ATP5F1E: variants seen among roughly 807,000 people sequenced by gnomAD.
The protein encoded by ATP5F1E is ATP synthase F1 subunit epsilon.
In ATP5F1E, 5 loss-of-function variants were observed where a neutral mutation model predicts 7.0. The ratio of observed to expected loss-of-function variants is 0.71; its 90% CI spans 0.37 to 1.49. The LOEUF is 1.49. ATP5F1E is among the 40% of genes most tolerant of loss of function. The pLI is 0.03. For missense variants in ATP5F1E, 59 were observed against 57.1 expected (o/e 1.03, Z -0.11); for synonymous variants, 20 against 20.1 (o/e 0.99, Z 0.02).
rs2091991705 is a variant in ATP5F1E at position 59,025,886 on chromosome 20, A to C, written c.*2959T>G. ...TCTGCTCACATTATAACAGGACCAA[A>C]TACACAAGAGCGTAATCAAATCATC... On this transcript the variant is annotated 3_prime_UTR_variant, in exon 3 of 3. Coordinates refer to ENST00000243997, the MANE Select transcript of ATP5F1E (RefSeq NM_006886.4). The C allele has an allele frequency of 6.6e-6, 1 of 152,254 alleles. No individual in the cohort carries two copies. The highest frequency in any genetic ancestry group is 1.5e-5 in the Non-Finnish European group (1 of 68,044). The allele number at this position is 152,254 out of a possible 1,614,324, so 9.4% of individuals were successfully genotyped here. A position where few individuals can be genotyped will look rare whatever the true frequency, so the allele number is the denominator to read the frequency against.
chr20:59,025,530 TA>T lies in ATP5F1E; in HGVS notation c.*3314del, dbSNP rs1455425662. The T allele has an allele frequency of 6.6e-6, 1 of 152,310 alleles. No homozygotes were observed. The highest frequency in any genetic ancestry group is 1.5e-5 in the Non-Finnish European group (1 of 68,086). The allele number at this position is 152,310 out of a possible 1,614,324, so 9.4% of individuals were successfully genotyped here. A position where few individuals can be genotyped will look rare whatever the true frequency, so the allele number is the denominator to read the frequency against. ...CTAGCCTTTAACATATATGTTTATA[TA>T]GTTTAAATTTCTTACTACTGTTAGA... On this transcript the variant is annotated 3_prime_UTR_variant, in exon 3 of 3. Coordinates refer to ENST00000243997, the MANE Select transcript of ATP5F1E (RefSeq NM_006886.4).
intron 1 of ATP5F1E, 72 bp downstream of exon 1, chr20:59,032,148 G>C: frequency 6.5e-7 from 1 of 1,545,626 alleles, no homozygotes. Flanking sequence ...TCTGTGTCCT[G>C]CATGACCTCT....
rs769265134 is a variant in ATP5F1E, at chr20:59,026,849, G to A, written c.*1996C>T. The A allele has an allele frequency of 2.6e-5, 4 of 152,202 alleles. No individual in the cohort carries two copies. Among genetic ancestry groups the A allele is most frequent in the African/African-American group, 7.2e-5 (3 of 41,452 alleles). The allele number at this position is 152,202 out of a possible 1,614,324, so 9.4% of individuals were successfully genotyped here. On this transcript the variant is annotated 3_prime_UTR_variant, in exon 3 of 3. Coordinates refer to ENST00000243997, the MANE Select transcript of ATP5F1E (RefSeq NM_006886.4). ...GGTCTCTCAGAGCAGCAGCATCACC[G>A]AAATTTAGAGCTTATCCGATTCCTT...
chr20:59,029,902 A>T (rs2092015116), intron 2 of ATP5F1E: 1 of 259,044 alleles, frequency 3.9e-6, no homozygotes, highest in South Asian at 4.2e-5. Context: ...TGTGGGGGAA[A>T]TAAAAATGTA....
chr20:59,028,134 G>A lies in ATP5F1E; in HGVS notation c.*711C>T, dbSNP rs956962455. On this transcript the variant is annotated 3_prime_UTR_variant, in exon 3 of 3. Transcript: ENST00000243997. ...CCACGAAACTGCTGTTGTGGTCACC[G>A]TGTCCCAGACTTGCAGTCAAAACTC... The A allele has an allele frequency of 1.3e-5, 2 of 152,176 alleles. No individual in the cohort carries two copies. The highest frequency in any genetic ancestry group is 2.9e-5 in the Non-Finnish European group (2 of 68,036). 9.4% of individuals were successfully genotyped at this position (152,176 alleles called of 1,614,324 possible).
Position 59,032,312 on chromosome 20 carries a change from GC to G in ATP5F1E, c.-62del. 1 of 1,569,524 alleles carries G rather than the reference GC, an allele frequency of 6.4e-7. No homozygotes were observed. The highest frequency in any genetic ancestry group is 1.2e-5 in the South Asian group (1 of 85,928). On this transcript the variant is annotated 5_prime_UTR_variant, in exon 1 of 3. Transcript: ENST00000243997. ...CCAAGACGCCGGCAATGTCGGCTCA[GC>G]CGGGCGGTTCAGCCGCAGGAAGATC...
intron 1 of ATP5F1E, among the ~76,000 whole-genome samples, chr20:59,031,734 G>T (rs1477751022): frequency 6.6e-6 from 1 of 152,048 alleles, no homozygotes; most frequent in Non-Finnish European, 1.5e-5. Context: ...AAATCAACAG[G>T]ACTTAAAAGT....
rs114060736 is a variant in ATP5F1E, at chr20:59,031,650, G to A, written c.32+570C>T. ...GTGGGTTCCATATTTGAGCTTTCCAGGAGCCACCTCTCATCTTTGTGAGGG... is the reference window on the plus strand; with the variant it reads ...GTGGGTTCCATATTTGAGCTTTCCAAGAGCCACCTCTCATCTTTGTGAGGG... On this transcript the variant is annotated intron_variant, in intron 1 of 2. Coordinates refer to ENST00000243997, the MANE Select transcript of ATP5F1E (RefSeq NM_006886.4). Among the ~76,000 whole-genome samples the A allele has an allele frequency of 7.8e-3, 1,182 of 152,272 alleles. 20 individuals are homozygous for A. Among genetic ancestry groups the A allele is most frequent in the African/African-American group, 0.027 (1,128 of 41,540 alleles).
intron 1 of ATP5F1E, 110 bp from the exon 2 acceptor site, chr20:59,030,539 C>T (rs555767814): frequency 1.4e-6 from 2 of 1,381,344 alleles, no homozygotes; most frequent in South Asian, 2.4e-5. Flanking sequence ...TTTGGTTGTA[C>T]CTTATTGTAG....
chr20:59,028,058 G>C lies in ATP5F1E; in HGVS notation c.*787C>G, dbSNP rs1263480759. The C allele has an allele frequency of 6.6e-6, 1 of 152,176 alleles. No individual in the cohort carries two copies. Among genetic ancestry groups the C allele is most frequent in the Non-Finnish European group, 1.5e-5 (1 of 68,024 alleles). 9.4% of individuals were successfully genotyped at this position (152,176 alleles called of 1,614,324 possible). A position where few individuals can be genotyped will look rare whatever the true frequency, so the allele number is the denominator to read the frequency against. ...TCAAAGAAAGATAAAAACATAACTT[G>C]CAACAATTTTTCATCCCTAAATAAT... On this transcript the variant is annotated 3_prime_UTR_variant, in exon 3 of 3. Transcript: ENST00000243997.
chr20:59,029,541 C>G (rs2092012586), intron 2 of ATP5F1E: 1 of 152,154 alleles, frequency 6.6e-6, no homozygotes, highest in Non-Finnish European at 1.5e-5. Context: ...AAAAGCAAAA[C>G]AAGAAAAATT....
chr20:59,029,426 T>TG (rs1332282850), intron 2 of ATP5F1E: 1 of 152,204 alleles, frequency 6.6e-6, no homozygotes, highest in Non-Finnish European at 1.5e-5. Context: ...AAATGAAAAG[T>TG]GCTTAGGGGA....
intron 2 of ATP5F1E, chr20:59,029,962 A>T: frequency 3.0e-6 from 1 of 332,712 alleles, no homozygotes; most frequent in East Asian, 8.0e-5. Flanking sequence ...CTCCAATTGC[A>T]ATTATACAAG....
In ATP5F1E at chr20:59,032,228, A is replaced by G. The variant is rs773400785; in HGVS notation, c.24T>C (p.Ala8=). MVAYWRQ[A]GLSYIRYSQI... is the part of the protein sequence containing the mutation. ...TGGAGGCCTGGGCCTACCTGAGTCC[A>G]GCCTGTCTCCAGTAGGCCACCATGC... Residue 8 remains alanine (A), a synonymous_variant, in exon 1 of 3, where the codon GCT becomes GCC. Coordinates refer to ENST00000243997, the MANE Select transcript of ATP5F1E (RefSeq NM_006886.4). The G allele has an allele frequency of 3.8e-6, 6 of 1,593,394 alleles. No homozygotes were observed. The highest frequency in any genetic ancestry group is 4.3e-6 in the Non-Finnish European group (5 of 1,171,142).
chr20:59,030,140 G>T (rs2092016633), intron 2 of ATP5F1E, 163 bp downstream of exon 2: 1 of 812,496 alleles, frequency 1.2e-6, no homozygotes, highest in Non-Finnish European at 1.8e-6. Context: ...TAGGCCAGGG[G>T]ACTTCTATAA....
chr20:59,030,132 G>C lies in ATP5F1E; in HGVS notation c.*3+171C>G, dbSNP rs79207563. ...GCCCAAGAAGACTTTCTTTTTATTA[G>C]GCCAGGGGACTTCTATAACCTGCAT... is the stretch of plus-strand genomic sequence containing the variant. On this transcript the variant is annotated intron_variant, in intron 2 of 2. Coordinates refer to ENST00000243997, the MANE Select transcript of ATP5F1E (RefSeq NM_006886.4). 1.1e-3 allele frequency: 835 copies of C among 740,040 alleles called. 2 individuals carry two copies. The highest frequency in any genetic ancestry group is 1.6e-3 in the Non-Finnish European group (775 of 486,512). 45.8% of individuals were successfully genotyped at this position (740,040 alleles called of 1,614,324 possible).
At chr20:59,031,961 G>C (rs2092034553) in intron 1 of ATP5F1E, among the ~76,000 whole-genome samples, 1 of 152,262 alleles carries the variant, frequency 6.6e-6, no homozygotes, top group Non-Finnish European at 1.5e-5. Context: ...ATTCACAAAG[G>C]TGTCCAGGGG....
intron 2 of ATP5F1E, chr20:59,029,936 TTGGAC>T (rs1332157545): frequency 6.3e-6 from 2 of 316,738 alleles, no homozygotes; most frequent in East Asian, 1.7e-4. Flanking sequence ...TTTCATGCTC[TTGGAC>T]TGTTATGTAA....
At chr20:59,032,100 A>G in intron 1 of ATP5F1E, 120 bp downstream of exon 1, 1 of 1,402,586 alleles carries the variant, frequency 7.1e-7, no homozygotes, top group Admixed American at 2.1e-5. Flanking sequence ...GCGACGCCCG[A>G]GGCTTGGCCC....
Sources: gnomAD v4.1 joint callset for allele counts (sites outside exome capture counted in the v4.1 genomes callset) on GRCh38, gnomAD v4.1.1 for gene constraint, MANE v1.5 for transcripts, NCBI Gene and HGNC (gene_info 2026-07-23, HGNC 2026-07-21) for gene names.